DLEC1: variants seen among roughly 807,000 people sequenced by gnomAD.
DLEC1 encodes the protein DLEC1 cilia and flagella associated protein.
DLEC1 carries 146 observed loss-of-function variants against 198.1 expected under a neutral mutation model. That is an observed-to-expected ratio of 0.74 (90% CI 0.64 to 0.85). The LOEUF is 0.85. DLEC1 is among the 40% of genes least tolerant of loss of function. DLEC1 has a pLI of 0.00. For missense variants in DLEC1, 2,233 were observed against 2,220.0 expected (o/e 1.01, Z -0.12); for synonymous variants, 897 against 866.8 (o/e 1.03, Z -0.61).
Position 38,097,238 on chromosome 3 carries a change from C to T in DLEC1, c.2397C>T (p.Cys799=). Residue 799 remains cysteine (C), a synonymous_variant, in exon 16 of 37, where the codon TGC becomes TGT. Coordinates refer to ENST00000308059, the MANE Select transcript of DLEC1 (RefSeq NM_007335.4). The part of the protein sequence containing the change: ...IRYLWGKISD[C]HIIEVEPGTG... ...ACCTGTGGGGGAAGATCAGCGACTG[C>T]CACATCATTGAAGTGGAGCCCGGCA... 1 of 1,587,090 alleles carries T rather than the reference C, an allele frequency of 6.3e-7. No homozygotes were observed.
intron 31 of DLEC1, 46 bp downstream of exon 31, chr3:38,117,348 C>T (rs1329388979): frequency 1.2e-6 from 2 of 1,607,472 alleles, no homozygotes; most frequent in Non-Finnish European, 1.7e-6. Flanking sequence ...CCATGGGGTG[C>T]ACCCTCACCA....
Position 38,058,862 on chromosome 3 carries a change from G to A in DLEC1, c.563-880G>A, listed in dbSNP as rs187257818. 1.3e-3 allele frequency among the ~76,000 whole-genome samples: 194 copies of A among 148,480 alleles called. 1 individual carries two copies. The highest frequency in any genetic ancestry group is 4.2e-4 in the Non-Finnish European group (28 of 67,424). On this transcript the variant is annotated intron_variant, in intron 2 of 36. Transcript: ENST00000308059. ...TTTGTACCTTCCTCTCAATTTTGCT[G>A]CAAACCTATAACTGGTCTAAAAATA...
rs755120222 is a variant in DLEC1, at chr3:38,114,990, A to G, written c.3793A>G (p.Thr1265Ala). The G allele has an allele frequency of 6.2e-7, 1 of 1,613,578 alleles. No homozygotes were observed. The highest frequency in any genetic ancestry group is 1.1e-5 in the South Asian group (1 of 90,892). The change falls in exon 27 of 37, where the codon ACC becomes GCC. Residue 1265 changes from threonine to alanine, a missense_variant. Coordinates refer to ENST00000308059, the MANE Select transcript of DLEC1 (RefSeq NM_007335.4). Reference sequence around the variant, plus strand: ...CAGTCTGTCCCCCTCCAGGTTCGGCACCCAGGTCTCCGGAGGAGACACAGT... The same window carrying G: ...CAGTCTGTCCCCCTCCAGGTTCGGCGCCCAGGTCTCCGGAGGAGACACAGT... ...AQKEPAMRFG[T>A]QVSGGDTVTR... is the part of the protein sequence containing the mutation.
intron 6 of DLEC1, among the ~76,000 whole-genome samples, chr3:38,074,960 G>C (rs988990326): frequency 1.3e-5 from 2 of 152,206 alleles, no homozygotes; most frequent in African/African-American, 4.8e-5. Context: ...TTGTTGGGCG[G>C]GTGGGGAAAA....
At chr3:38,081,660 G>T (rs1301917963) in intron 6 of DLEC1, among the ~76,000 whole-genome samples, 6 of 73,764 alleles carry the variant, frequency 8.1e-5, no homozygotes, top group South Asian at 4.3e-4. Flanking sequence ...CTGGCCGGGT[G>T]GGGGGGCTGA....
At chr3:38,083,147 C>T (rs766587731) in intron 6 of DLEC1, among the ~76,000 whole-genome samples, 26 of 151,742 alleles carry the variant, frequency 1.7e-4, no homozygotes, top group Non-Finnish European at 2.9e-4. Flanking sequence ...TTGGGCTCAT[C>T]GGTCTGAGGA....
chr3:38,120,016 C>T (rs1171444210), intron 33 of DLEC1, among the ~76,000 whole-genome samples: 2 of 152,312 alleles, frequency 1.3e-5, no homozygotes, highest in Admixed American at 6.5e-5. Context: ...CCTGTCCAGC[C>T]TCAGTTACAG....
At chr3:38,057,075 G>C (rs918679910) in intron 2 of DLEC1, among the ~76,000 whole-genome samples, 10 of 152,236 alleles carry the variant, frequency 6.6e-5, no homozygotes, top group African/African-American at 2.4e-4. Flanking sequence ...ACAAGAAAAT[G>C]TATTCAGAAG....
chr3:38,044,934 G>A (rs1006171690), intron 1 of DLEC1, among the ~76,000 whole-genome samples: 1 of 152,206 alleles, frequency 6.6e-6, no homozygotes, highest in African/African-American at 2.4e-5. Flanking sequence ...GAGGGGAGGG[G>A]AATGAAAGAA....
In DLEC1 at chr3:38,084,422, G is replaced by GGTA. The variant is rs879004281; in HGVS notation, c.1261+189_1261+191dup. Reference sequence around the variant, plus strand: ...TAGTAGTGGTGGTGGTAGTAGTAGTGGTAGTAGTAGTAGTGGTGGTGGTGG... The same window carrying GGTA: ...TAGTAGTGGTGGTGGTAGTAGTAGTGGTAGTAGTAGTAGTAGTGGTGGTGGTGG... On this transcript the variant is annotated intron_variant, in intron 7 of 36. Coordinates refer to ENST00000308059, the MANE Select transcript of DLEC1 (RefSeq NM_007335.4). 5.9e-5 allele frequency among the ~76,000 whole-genome samples: 5 copies of GGTA among 84,566 alleles called. No individual in the cohort carries two copies. The South Asian group carries it at 1.8e-3, about 30-fold the overall frequency. 55.5% of individuals were successfully genotyped at this position (84,566 alleles called of 152,430 possible). A position where few individuals can be genotyped will look rare whatever the true frequency, so the allele number is the denominator to read the frequency against.
intron 11 of DLEC1, among the ~76,000 whole-genome samples, chr3:38,093,227 T>C (rs1698832580): frequency 6.6e-6 from 1 of 152,140 alleles, no homozygotes; most frequent in South Asian, 2.1e-4. Flanking sequence ...GAGCCACCTC[T>C]AGATTTCTGC....
intron 1 of DLEC1, among the ~76,000 whole-genome samples, chr3:38,041,922 A>G (rs1262588106): frequency 6.6e-6 from 1 of 151,988 alleles, no homozygotes; most frequent in African/African-American, 2.4e-5. Flanking sequence ...TATTCACACT[A>G]TGGAATACTA....
intron 19 of DLEC1, among the ~76,000 whole-genome samples, chr3:38,105,986 T>C (rs184831589): frequency 6.6e-6 from 1 of 152,360 alleles, no homozygotes. Context: ...TAGTATATCT[T>C]AATTTCAAAA....
At chr3:38,057,845 C>T (rs1403634013) in intron 2 of DLEC1, among the ~76,000 whole-genome samples, 1 of 143,450 alleles carries the variant, frequency 7.0e-6, no homozygotes, top group African/African-American at 2.6e-5. Context: ...GAGACAGAGT[C>T]TCGCTCTGTT....
At chr3:38,090,869 C>T (rs1698710912) in intron 10 of DLEC1, among the ~76,000 whole-genome samples, 1 of 151,264 alleles carries the variant, frequency 6.6e-6, no homozygotes, top group South Asian at 2.1e-4. Context: ...GTATTCATTA[C>T]TCATCTTCAA....
intron 1 of DLEC1, among the ~76,000 whole-genome samples, chr3:38,040,839 A>G (rs1034619016): frequency 5.9e-5 from 9 of 151,752 alleles, no homozygotes; most frequent in South Asian, 2.1e-4. Flanking sequence ...AAAGTAATAC[A>G]TATTACAAAT....
At chr3:38,076,053 C>T (rs148828931) in intron 6 of DLEC1, among the ~76,000 whole-genome samples, 2,719 of 152,190 alleles carry the variant, frequency 0.018, 87 homozygotes, top group African/African-American at 0.062. Flanking sequence ...TGACCGGCAC[C>T]GGAGTTTTGG....
intron 5 of DLEC1, among the ~76,000 whole-genome samples, chr3:38,063,634 A>G (rs1282229974): frequency 6.6e-6 from 1 of 152,248 alleles, no homozygotes; most frequent in African/African-American, 2.4e-5. Flanking sequence ...GTAGCTACTT[A>G]TGTCTTCACA....
chr3:38,111,549 G>C, intron 23 of DLEC1, 128 bp from the exon 24 acceptor site: 1 of 875,228 alleles, frequency 1.1e-6, no homozygotes, highest in East Asian at 3.0e-5. Flanking sequence ...CTCTCCCCTG[G>C]GAAGAGCAGG....
Sources: gnomAD v4.1 joint callset for allele counts (sites outside exome capture counted in the v4.1 genomes callset) on GRCh38, gnomAD v4.1.1 for gene constraint, MANE v1.5 for transcripts, NCBI Gene and HGNC (gene_info 2026-07-23, HGNC 2026-07-21) for gene names.